The following DISP1 variants were observed in gnomAD, a reference collection of about 807,000 sequenced individuals.
The protein encoded by DISP1 is dispatched RND transporter family member 1.
DISP1 carries 30 observed loss-of-function variants against 37.3 expected under a neutral mutation model. The ratio of observed to expected loss-of-function variants is 0.80; its 90% CI spans 0.60 to 1.09. The LOEUF (loss-of-function observed/expected upper bound fraction) is 1.09, where lower values mean the gene tolerates loss of function less well. Ranked by LOEUF, DISP1 falls within the 50% of genes least tolerant of loss-of-function variation. The probability of loss-of-function intolerance (pLI) is 0.00; values close to 1 mark genes in which losing one functional copy is unlikely to be tolerated. For synonymous variants in DISP1, 634 were observed against 690.2 expected, an observed-to-expected ratio of 0.92 and a Z score of 1.28; for missense variants, 1,598 against 1,879.5, an observed-to-expected ratio of 0.85 and a Z score of 2.77.
chr1:222,924,946 T>C (rs1363884679), intron 1 of DISP1, among the ~76,000 whole-genome samples: 1 of 152,084 alleles, frequency 6.6e-6, no homozygotes, highest in African/African-American at 2.4e-5. Context: ...GTCTTCCTAA[T>C]AATGAAGAAA....
intron 1 of DISP1, chr1:222,823,778 T>G (rs909321011): frequency 6.6e-6 from 1 of 151,904 alleles, no homozygotes; most frequent in Non-Finnish European, 1.5e-5. Context: ...TGTTTTAATA[T>G]ATGTAGATTG....
rs183437285 is a variant in DISP1, at chr1:222,847,706, A to T, written c.-159+32628A>T. On this transcript the variant is annotated intron_variant, in intron 1 of 8. Coordinates refer to ENST00000675850, the MANE Select transcript of DISP1 (RefSeq NM_001377229.1). ...ATATATTTTGCTCCAAGACACACCA[A>T]CCCCCACCCCCAATAGCCATGTGCA... Among the ~76,000 whole-genome samples, 32 of 152,046 alleles carry T rather than the reference A, an allele frequency of 2.1e-4. 1 individual carries two copies. The highest frequency in any genetic ancestry group is 3.8e-4 in the Non-Finnish European group (26 of 67,982).
At chr1:223,002,363 C>T in intron 8 of DISP1, 22 bp from the exon 9 acceptor site, 2 of 1,607,702 alleles carry the variant, frequency 1.2e-6, no homozygotes, top group Non-Finnish European at 1.7e-6. Flanking sequence ...TGTAGTCCTT[C>T]TGCTTGTCTC....
intron 2 of DISP1, among the ~76,000 whole-genome samples, chr1:222,934,895 A>G (rs1317300018): frequency 6.6e-6 from 1 of 152,016 alleles, no homozygotes; most frequent in African/African-American, 2.4e-5. Flanking sequence ...ATCAATTAGA[A>G]CCTCTGTTGT....
In DISP1 at chr1:223,004,648, C is replaced by T; in HGVS notation, c.3251C>T (p.Ala1084Val). The T allele has an allele frequency of 6.2e-7, 1 of 1,614,120 alleles. No homozygotes were observed. The highest frequency in any genetic ancestry group is 8.5e-7 in the Non-Finnish European group (1 of 1,180,030). Residue 1084 changes from alanine (A) to valine (V), a missense_variant, in exon 9 of 9, where the codon GCC becomes GTC. By Grantham distance (64) the Ala-to-Val change is moderately conservative. Transcript: ENST00000675850. This position sits in a 1 kb window ranked among gnomAD's most constrained non-coding sequence, Gnocchi z 4.9. ...FSLSRVGSAM[A>V]MAALTTFVAG... ...CTGAGTCGCGTGGGCTCTGCGATGGCCATGGCTGCCCTGACCACCTTCGTG... is the reference window on the plus strand; with the variant it reads ...CTGAGTCGCGTGGGCTCTGCGATGGTCATGGCTGCCCTGACCACCTTCGTG...
At chr1:222,947,304 G>A (rs1219587152) in intron 3 of DISP1, among the ~76,000 whole-genome samples, 2 of 151,988 alleles carry the variant, frequency 1.3e-5, no homozygotes, top group East Asian at 1.9e-4. Context: ...TCCACATAAT[G>A]TCTTCAAGGG....
chr1:222,927,682 C>T lies in DISP1; in HGVS notation c.-158-748C>T, dbSNP rs528259236. Among the ~76,000 whole-genome samples the T allele has an allele frequency of 4.5e-4, 68 of 152,214 alleles. 1 individual carries two copies. Among genetic ancestry groups the T allele is most frequent in the African/African-American group, 1.5e-3 (64 of 41,544 alleles). ...CAAAGTCATGAAGAGTTAGATTTCA[C>T]GGTTTCAATAAATTATAACTTATTT... On this transcript the variant is annotated intron_variant, in intron 1 of 8. Transcript: ENST00000675850.
intron 3 of DISP1, among the ~76,000 whole-genome samples, chr1:222,959,021 T>G (rs906030011): frequency 1.3e-5 from 2 of 152,144 alleles, no homozygotes; most frequent in Admixed American, 1.3e-4. Flanking sequence ...CATCACATTA[T>G]TATCTCCTTT....
intron 1 of DISP1, among the ~76,000 whole-genome samples, chr1:222,915,295 C>T (rs77488342): frequency 1.1e-4 from 16 of 152,292 alleles, no homozygotes; most frequent in South Asian, 2.1e-4. Context: ...CTGAGCTTGA[C>T]GCTTGATGCT....
intron 3 of DISP1, among the ~76,000 whole-genome samples, chr1:222,973,062 A>G (rs1677069622): frequency 9.8e-6 from 1 of 101,916 alleles, no homozygotes; most frequent in Non-Finnish European, 2.6e-5. Flanking sequence ...ATGGAAATGT[A>G]TGATCTTTGT....
intron 3 of DISP1, among the ~76,000 whole-genome samples, chr1:222,977,645 A>C (rs1417547970): frequency 2.7e-5 from 4 of 150,500 alleles, no homozygotes; most frequent in Non-Finnish European, 5.9e-5. Flanking sequence ...TTAACTCGTC[A>C]TTTAACATTA....
chr1:222,836,101 C>T (rs1174790243), intron 1 of DISP1, among the ~76,000 whole-genome samples: 1 of 151,908 alleles, frequency 6.6e-6, no homozygotes, highest in African/African-American at 2.4e-5. Context: ...GTTTTATTTT[C>T]TGAGGGCACA....
chr1:223,003,244 C>T lies in DISP1; in HGVS notation c.1847C>T (p.Ala616Val). 6.2e-7 allele frequency: 1 copy of T among 1,614,252 alleles called. No homozygotes were observed. Among genetic ancestry groups the T allele is most frequent in the Non-Finnish European group, 8.5e-7 (1 of 1,180,044 alleles). ...LSMFVTSFTT[A>V]AAFYANYVSN... The stretch of plus-strand genomic sequence containing the variant: ...ATGTTCGTCACCAGTTTTACCACTG[C>T]TGCTGCCTTTTATGCTAACTATGTT... The change falls in exon 9 of 9, where the codon GCT (alanine) becomes GTT (valine). Residue 616 changes from alanine to valine, a missense_variant. Physicochemically the swap from Ala to Val is moderately conservative, Grantham distance 64 (BLOSUM62 0). Coordinates refer to ENST00000675850, the MANE Select transcript of DISP1 (RefSeq NM_001377229.1). This position sits in a 1 kb window ranked among gnomAD's most constrained non-coding sequence, Gnocchi z 4.3.
intron 2 of DISP1, among the ~76,000 whole-genome samples, chr1:222,936,711 T>G (rs1342363769): frequency 6.6e-5 from 7 of 106,584 alleles, no homozygotes; most frequent in African/African-American, 2.3e-4. Flanking sequence ...TCATATATAT[T>G]ATATATCATA....
chr1:222,870,276 A>G lies in DISP1; in HGVS notation c.-159+55198A>G, dbSNP rs1371825946. 4.6e-5 allele frequency among the ~76,000 whole-genome samples: 7 copies of G among 152,330 alleles called. No individual in the cohort carries two copies. In the East Asian group the frequency reaches 1.3e-3, roughly 29 times the overall value. On this transcript the variant is annotated intron_variant, in intron 1 of 8. Coordinates refer to ENST00000675850, the MANE Select transcript of DISP1 (RefSeq NM_001377229.1). ...CGTGTGCATGTGTCTTTATAGCAGC[A>G]TGATTTATAATCCTTTGGGTGTATA...
intron 2 of DISP1, among the ~76,000 whole-genome samples, chr1:222,934,312 T>G (rs368020578): frequency 4.6e-5 from 7 of 152,046 alleles, no homozygotes; most frequent in African/African-American, 1.7e-4. Flanking sequence ...TAATAATAAA[T>G]TCACAGAGGT....
chr1:222,902,144 G>T (rs375901114), intron 1 of DISP1, among the ~76,000 whole-genome samples: 2 of 152,054 alleles, frequency 1.3e-5, no homozygotes, highest in Non-Finnish European at 2.9e-5. Context: ...GGTTTTTTGT[G>T]TCTCTATTTC....
chr1:222,843,325 T>C (rs568973909), intron 1 of DISP1, among the ~76,000 whole-genome samples: 4 of 152,198 alleles, frequency 2.6e-5, no homozygotes, highest in Admixed American at 2.6e-4. Context: ...TGCAAATATA[T>C]ATGTACTTCT....
chr1:222,822,763 T>G (rs1337047464), intron 1 of DISP1, among the ~76,000 whole-genome samples: 2 of 152,188 alleles, frequency 1.3e-5, no homozygotes, highest in African/African-American at 4.8e-5. Context: ...AATATCAGAG[T>G]GAGTGGTGTG....
Sources: allele counts gnomAD v4.1 joint callset (sites outside exome capture counted in the v4.1 genomes callset), GRCh38; gene constraint gnomAD v4.1.1; non-coding constraint Gnocchi (gnomAD v3.1); transcripts MANE v1.5; gene names NCBI Gene and HGNC (gene_info 2026-07-23, HGNC 2026-07-21).